ADAMTSL1: variants seen among roughly 807,000 people sequenced by gnomAD.
ADAMTSL1 encodes ADAMTS-like protein 1.
ADAMTSL1 carries 126 observed loss-of-function variants against 201.8 expected under a neutral mutation model. That is an observed-to-expected ratio of 0.62 (90% CI 0.54 to 0.72). The LOEUF is 0.72. Ranked by LOEUF, ADAMTSL1 falls within the 30% of genes least tolerant of loss-of-function variation. ADAMTSL1 has a pLI of 0.00. For synonymous variants in ADAMTSL1, 1,121 were observed against 903.4 expected, an observed-to-expected ratio of 1.24 and a Z score of -4.32; for missense variants, 2,679 against 2,277.8, an observed-to-expected ratio of 1.18 and a Z score of -3.59.
chr9:18,076,126 A>G (rs1209606651), intron 1 of ADAMTSL1, among the ~76,000 whole-genome samples: 1 of 152,196 alleles, frequency 6.6e-6, no homozygotes, highest in African/African-American at 2.4e-5. Flanking sequence ...ACTTCCTCAA[A>G]TCCTTCCTAA....
chr9:18,059,356 T>C (rs1410463423), intron 1 of ADAMTSL1, among the ~76,000 whole-genome samples: 1 of 152,196 alleles, frequency 6.6e-6, no homozygotes, highest in African/African-American at 2.4e-5. Context: ...ATCATTTTTT[T>C]GGTTGAGTCA....
chr9:18,286,188 G>C (rs534216406), intron 2 of ADAMTSL1, among the ~76,000 whole-genome samples: 51 of 152,260 alleles, frequency 3.3e-4, no homozygotes, highest in Admixed American at 1.8e-3. Context: ...TTCCATCTAT[G>C]TGTGAAATTT....
At chr9:18,555,820 C>T (rs901751628) in intron 3 of ADAMTSL1, among the ~76,000 whole-genome samples, 1 of 151,850 alleles carries the variant, frequency 6.6e-6, no homozygotes, top group Non-Finnish European at 1.5e-5. Context: ...CAAGTGTGGG[C>T]TGGATGGTAA....
At chr9:18,403,162 T>G (rs1818051498) in intron 2 of ADAMTSL1, among the ~76,000 whole-genome samples, 1 of 152,066 alleles carries the variant, frequency 6.6e-6, no homozygotes, top group Non-Finnish European at 1.5e-5. Flanking sequence ...TAATCTTTTT[T>G]TTTTTATTTT....
At chr9:18,144,872 T>C (rs2132020710) in intron 1 of ADAMTSL1, among the ~76,000 whole-genome samples, 1 of 152,276 alleles carries the variant, frequency 6.6e-6, no homozygotes, top group East Asian at 1.9e-4. Context: ...AGTGGGACTA[T>C]GATGGAGTTA....
chr9:18,695,739 C>T (rs1587920303), intron 13 of ADAMTSL1, among the ~76,000 whole-genome samples: 1 of 152,212 alleles, frequency 6.6e-6, no homozygotes, highest in South Asian at 2.1e-4. Flanking sequence ...CTTCCAACCT[C>T]TGCCAGTTAC....
chr9:17,999,917 C>T (rs966391427), intron 1 of ADAMTSL1, among the ~76,000 whole-genome samples: 1 of 149,272 alleles, frequency 6.7e-6, no homozygotes, highest in Admixed American at 6.7e-5. Context: ...ATCCATGTCC[C>T]TACAAAGGAC....
chr9:18,094,927 A>C, intron 1 of ADAMTSL1, among the ~76,000 whole-genome samples: 1 of 152,278 alleles, frequency 6.6e-6, no homozygotes, highest in East Asian at 1.9e-4. Context: ...TGCCACCTAA[A>C]TCTAAACATA....
chr9:18,315,082 C>T (rs2132818185), intron 2 of ADAMTSL1, among the ~76,000 whole-genome samples: 2 of 152,210 alleles, frequency 1.3e-5, no homozygotes, highest in Middle Eastern at 6.8e-3. Context: ...ATTCCCTTAT[C>T]TGACCCTACC....
chr9:18,813,844 C>T (rs1358438581), intron 20 of ADAMTSL1, among the ~76,000 whole-genome samples: 1 of 152,156 alleles, frequency 6.6e-6, no homozygotes, highest in Non-Finnish European at 1.5e-5. Context: ...ACTTGCAGTA[C>T]TATGTTGAAG....
chr9:18,448,820 G>C (rs1004611784), intron 2 of ADAMTSL1, among the ~76,000 whole-genome samples: 4 of 151,884 alleles, frequency 2.6e-5, no homozygotes, highest in Non-Finnish European at 4.4e-5. Flanking sequence ...AAAATATATA[G>C]AAAGTAAAAT....
intron 2 of ADAMTSL1, among the ~76,000 whole-genome samples, chr9:18,234,959 A>G (rs72684942): frequency 0.18 from 27,697 of 152,134 alleles, 3,022 homozygotes; most frequent in Non-Finnish European, 0.24. Flanking sequence ...GTTTCCATAT[A>G]CCTCACACTG....
chr9:17,933,904 A>G (rs1303764734), intron 1 of ADAMTSL1, among the ~76,000 whole-genome samples: 2 of 152,026 alleles, frequency 1.3e-5, no homozygotes, highest in Non-Finnish European at 2.9e-5. Context: ...CTGCATCAAC[A>G]CTCAACCTCA....
intron 2 of ADAMTSL1, among the ~76,000 whole-genome samples, chr9:18,529,840 C>G (rs1819324427): frequency 6.6e-6 from 1 of 152,098 alleles, no homozygotes; most frequent in Non-Finnish European, 1.5e-5. Context: ...CATAAATTAC[C>G]TGCAAATCCA....
intron 26 of ADAMTSL1, 49 bp downstream of exon 26, chr9:18,892,645 G>T (rs1275881496): frequency 4.6e-6 from 7 of 1,531,262 alleles, no homozygotes; most frequent in Non-Finnish European, 6.2e-6. Context: ...TAAAGGAATG[G>T]ACCCTGCCAC....
intron 2 of ADAMTSL1, among the ~76,000 whole-genome samples, chr9:18,532,862 A>G (rs912801495): frequency 5.9e-5 from 9 of 151,870 alleles, no homozygotes; most frequent in Non-Finnish European, 1.0e-4. Context: ...CATTAATTCC[A>G]ATTTATTTTC....
chr9:18,894,345 CTTTTTTT>C (rs56112949), intron 26 of ADAMTSL1, among the ~76,000 whole-genome samples: 1 of 124,040 alleles, frequency 8.1e-6, no homozygotes, highest in Non-Finnish European at 1.6e-5. Flanking sequence ...AAAACCTTGT[CTTTTTTT>C]TTTTTTTTTG....
At chr9:18,644,393 A>T (rs966348115) in intron 7 of ADAMTSL1, among the ~76,000 whole-genome samples, 9 of 146,656 alleles carry the variant, frequency 6.1e-5, no homozygotes, top group East Asian at 2.0e-4. Flanking sequence ...TTATTTTTTT[A>T]ATTATTATTA....
intron 1 of ADAMTSL1, among the ~76,000 whole-genome samples, chr9:17,974,532 C>A (rs1818360424): frequency 1.3e-5 from 2 of 151,984 alleles, no homozygotes; most frequent in African/African-American, 4.8e-5. Context: ...GTTCCCACCC[C>A]TCAGCCCCTG....
Sources: gnomAD v4.1 joint callset for allele counts (sites outside exome capture counted in the v4.1 genomes callset) on GRCh38, gnomAD v4.1.1 for gene constraint, MANE v1.5 for transcripts, NCBI Gene and HGNC (gene_info 2026-07-23, HGNC 2026-07-21) for gene names.